Variants in OPCML observed in about 807,000 individuals in gnomAD.
OPCML encodes opioid-binding protein/cell adhesion molecule.
A neutral mutation model predicts 37.8 loss-of-function variants in OPCML; 13 were observed. The ratio of observed to expected loss-of-function variants is 0.34; its 90% CI spans 0.22 to 0.55. The LOEUF is 0.55. Among genes scored for constraint, OPCML ranks in the 20% least tolerant of loss-of-function variants. OPCML has a pLI of 0.91. For synonymous variants in OPCML, 176 were observed against 168.8 expected, an observed-to-expected ratio of 1.04 and a Z score of -0.33; for missense variants, 341 against 435.6, an observed-to-expected ratio of 0.78 and a Z score of 1.93.
intron 3 of OPCML, among the ~76,000 whole-genome samples, chr11:132,640,306 A>G (rs1194753836): frequency 6.6e-6 from 1 of 152,128 alleles, no homozygotes; most frequent in Non-Finnish European, 1.5e-5. Context: ...AGCAAAAATT[A>G]GGAACCCCGG....
intron 4 of OPCML, among the ~76,000 whole-genome samples, chr11:132,459,176 C>A (rs1471857639): frequency 6.6e-6 from 1 of 152,110 alleles, no homozygotes; most frequent in African/African-American, 2.4e-5. Context: ...CCCGCTCCTG[C>A]CCTCTAGCTC....
chr11:132,746,073 C>T lies in OPCML; in HGVS notation c.147-88754G>A, dbSNP rs1300311355. Among the ~76,000 whole-genome samples the T allele has an allele frequency of 6.6e-5, 10 of 152,068 alleles. No homozygotes were observed. In the East Asian group the frequency reaches 1.7e-3, roughly 27 times the overall value. ...GCCCAGCACCTCCAGTTTTGCCCTC[C>T]CCAAGCTCTTCACAAAGTTGTTGTT... On this transcript the variant is annotated intron_variant, in intron 2 of 7. Transcript: ENST00000524381.
intron 2 of OPCML, among the ~76,000 whole-genome samples, chr11:132,691,148 A>G (rs554596446): frequency 6.6e-6 from 1 of 152,314 alleles, no homozygotes; most frequent in African/African-American, 2.4e-5. Context: ...GGAGCCACAG[A>G]TAATTTCTCC....
intron 1 of OPCML, among the ~76,000 whole-genome samples, chr11:133,294,816 T>TG (rs1942585739): frequency 9.4e-4 from 72 of 76,674 alleles, no homozygotes; most frequent in Admixed American, 2.2e-3. Context: ...TCTTTCTTTC[T>TG]TTTTTTTTTT....
At position 133,238,567 on chromosome 11, in the gene OPCML, C is replaced by T. The variant is rs369744559; in HGVS notation, c.61+293697G>A. Among the ~76,000 whole-genome samples the T allele has an allele frequency of 3.7e-4, 57 of 152,274 alleles. No individual in the cohort carries two copies. The East Asian group carries it at 7.6e-3, about 20-fold the overall frequency. ...GTGTATGCAGTGCTTCTGCTGACAG[C>T]GTTGGCTTGGCTTGTGCTCCAGTGT... is the stretch of plus-strand genomic sequence containing the variant. On this transcript the variant is annotated intron_variant, in intron 1 of 7. Transcript: ENST00000524381.
chr11:132,787,496 ATGGGGATAATAGCC>A (rs1254007791), intron 2 of OPCML, among the ~76,000 whole-genome samples: 2 of 152,178 alleles, frequency 1.3e-5, no homozygotes, highest in African/African-American at 4.8e-5. Flanking sequence ...CATCTGTATA[ATGGGGATAATAGCC>A]TGGAGTGGCT....
At chr11:132,727,256 C>A (rs1944919296) in intron 2 of OPCML, among the ~76,000 whole-genome samples, 1 of 152,104 alleles carries the variant, frequency 6.6e-6, no homozygotes, top group Non-Finnish European at 1.5e-5. Flanking sequence ...GATTGCAAAC[C>A]CAGGTATTCT....
intron 3 of OPCML, among the ~76,000 whole-genome samples, chr11:132,572,490 A>T (rs1187420741): frequency 6.6e-6 from 1 of 152,126 alleles, no homozygotes; most frequent in East Asian, 1.9e-4. Flanking sequence ...TTTTCCCAAC[A>T]GCCTTGATAG....
intron 2 of OPCML, among the ~76,000 whole-genome samples, chr11:132,699,397 G>C (rs1943722797): frequency 6.6e-6 from 1 of 152,042 alleles, no homozygotes; most frequent in South Asian, 2.1e-4. Flanking sequence ...TTAGATAAAA[G>C]AGATAGATGG....
At chr11:133,196,625 T>G (rs1407762134) in intron 1 of OPCML, among the ~76,000 whole-genome samples, 4 of 152,194 alleles carry the variant, frequency 2.6e-5, no homozygotes, top group Non-Finnish European at 5.9e-5. Flanking sequence ...CAAATATTAT[T>G]TCTTCTTTCT....
At chr11:132,570,804 T>TAC (rs2096436416) in intron 3 of OPCML, among the ~76,000 whole-genome samples, 1 of 90,762 alleles carries the variant, frequency 1.1e-5, no homozygotes, top group African/African-American at 5.0e-5. Flanking sequence ...TATATATATT[T>TAC]AGAGAGAGAG....
Position 133,285,460 on chromosome 11 carries a change from C to T in OPCML, c.61+246804G>A, listed in dbSNP as rs117961749. Among the ~76,000 whole-genome samples the T allele has an allele frequency of 3.3e-3, 502 of 152,204 alleles. 8 individuals are homozygous for T. The highest frequency in any genetic ancestry group is 5.1e-3 in the Non-Finnish European group (345 of 68,012). The stretch of plus-strand genomic sequence containing the variant: ...CGTACGTGGGGAATCTTTGTTGTGC[C>T]GGTCTGTTTTAGTTGCTGTGATCCA... On this transcript the variant is annotated intron_variant, in intron 1 of 7. Transcript: ENST00000524381.
At chr11:133,526,013 T>C (rs1948483291) in intron 1 of OPCML, among the ~76,000 whole-genome samples, 1 of 152,230 alleles carries the variant, frequency 6.6e-6, no homozygotes, top group African/African-American at 2.4e-5. Flanking sequence ...AAGCATTTTG[T>C]AAACTTTTAA....
intron 1 of OPCML, among the ~76,000 whole-genome samples, chr11:133,284,012 T>C (rs956541192): frequency 6.6e-6 from 1 of 152,172 alleles, no homozygotes; most frequent in African/African-American, 2.4e-5. Flanking sequence ...CCGCCAGCAG[T>C]AATCAGCCAA....
intron 7 of OPCML, among the ~76,000 whole-genome samples, chr11:132,430,188 TCA>T (rs2095991857): frequency 6.6e-6 from 1 of 152,082 alleles, no homozygotes; most frequent in African/African-American, 2.4e-5. Context: ...GAAGAGAAGC[TCA>T]GTCTTTGTGC....
intron 2 of OPCML, among the ~76,000 whole-genome samples, chr11:132,671,071 G>A (rs1942456120): frequency 6.6e-6 from 1 of 152,150 alleles, no homozygotes; most frequent in Admixed American, 6.6e-5. Flanking sequence ...ATCCTGAACA[G>A]ATTACACATC....
Position 133,528,200 on chromosome 11 carries a change from C to T in OPCML, c.61+4064G>A, listed in dbSNP as rs555149815. ...AGTTCCAGGCTACTGAAAAAGCCAT[C>T]TTCATGAGGCAGCTGATGCTATCTC... On this transcript the variant is annotated intron_variant, in intron 1 of 7. Transcript: ENST00000524381. 2.8e-4 allele frequency among the ~76,000 whole-genome samples: 43 copies of T among 152,348 alleles called. 1 individual carries two copies. The highest frequency in any genetic ancestry group is 4.1e-4 in the South Asian group (2 of 4,824).
At chr11:133,112,646 G>T (rs931427038) in intron 1 of OPCML, among the ~76,000 whole-genome samples, 1 of 152,132 alleles carries the variant, frequency 6.6e-6, no homozygotes, top group African/African-American at 2.4e-5. Flanking sequence ...TATTTGCCGT[G>T]AATGCTTTGA....
Position 133,287,275 on chromosome 11 carries a change from C to CTTTCTT in OPCML, c.61+244988_61+244989insAAGAAA, listed in dbSNP as rs1555131097. Among the ~76,000 whole-genome samples the CTTTCTT allele has an allele frequency of 3.4e-3, 414 of 120,946 alleles. 2 individuals carry two copies. Among genetic ancestry groups the CTTTCTT allele is most frequent in the African/African-American group, 0.012 (384 of 32,718 alleles). The allele number at this position is 120,946 out of a possible 152,430, so 79.3% of individuals were successfully genotyped here. The stretch of plus-strand genomic sequence containing the variant: ...TTTAATTCTTTTTCTTTCTTTCTTT[C>CTTTCTT]TTTTTTTTTTTTTTTTTTTAGAGAT... On this transcript the variant is annotated intron_variant, in intron 1 of 7. Coordinates refer to ENST00000524381, the MANE Select transcript of OPCML (RefSeq NM_001012393.5).
Sources: allele counts gnomAD v4.1 joint callset (sites outside exome capture counted in the v4.1 genomes callset), GRCh38; gene constraint gnomAD v4.1.1; transcripts MANE v1.5; gene names NCBI Gene and HGNC (gene_info 2026-07-23, HGNC 2026-07-21).